The following ARID2 variants were observed in gnomAD, a reference collection of about 807,000 sequenced individuals.
ARID2 encodes the protein AT-rich interaction domain 2.
Under a neutral mutation model 184.6 loss-of-function variants are expected in ARID2, and 32 were observed. The ratio of observed to expected loss-of-function variants is 0.17; its 90% confidence interval spans 0.13 to 0.23. The LOEUF is 0.23. Ranked by LOEUF, ARID2 falls within the 10% of genes least tolerant of loss-of-function variation. ARID2 has a pLI of 1.00. For synonymous variants in ARID2, 836 were observed against 772.6 expected (o/e 1.08, Z -1.36); for missense variants, 1,696 against 2,197.6 (o/e 0.77, Z 4.56).
Position 45,850,163 on chromosome 12 carries a change from T to G in ARID2, c.2040T>G (p.Thr680=). The G allele has an allele frequency of 6.2e-7, 1 of 1,614,116 alleles. No homozygotes were observed. Residue 680 remains threonine (T), a synonymous_variant, in exon 15 of 21, where the codon ACT becomes ACG. Transcript: ENST00000334344. ...AAGGTGTTCATACTGTGGCACAAACTGTTTCAAGAATTCCACAAAATCCTT... is the reference window on the plus strand; with the variant it reads ...AAGGTGTTCATACTGTGGCACAAACGGTTTCAAGAATTCCACAAAATCCTT... ...PVQGVHTVAQ[T]VSRIPQNPSP...
At chr12:45,786,845 A>T (rs1217693709) in intron 3 of ARID2, among the ~76,000 whole-genome samples, 1 of 152,178 alleles carries the variant, frequency 6.6e-6, no homozygotes, top group Non-Finnish European at 1.5e-5. Context: ...TTGCAACAGC[A>T]TGGGTGATCC....
At position 45,738,779 on chromosome 12, in the gene ARID2, CTTTTTTTTTTTT is replaced by C. The variant is rs11333868; in HGVS notation, c.284+7488_284+7499del. On this transcript the variant is annotated intron_variant, in intron 3 of 20. Coordinates refer to ENST00000334344, the MANE Select transcript of ARID2 (RefSeq NM_152641.4). ...TTTTCTTCCTGGGGCATATGGGCTACTTTTTTTTTTTTTTTTTTTTTTTTTTTTTTTTTTAAG... is the reference window on the plus strand; with the variant it reads ...TTTTCTTCCTGGGGCATATGGGCTACTTTTTTTTTTTTTTTTTTTTTTAAG... 3.8e-3 allele frequency among the ~76,000 whole-genome samples: 236 copies of C among 62,314 alleles called. 3 individuals carry two copies. The highest frequency in any genetic ancestry group is 0.018 in the African/African-American group (206 of 11,724). 40.9% of individuals were successfully genotyped at this position (62,314 alleles called of 152,430 possible). A position where few individuals can be genotyped will look rare whatever the true frequency, so the allele number is the denominator to read the frequency against.
At chr12:45,871,857 G>T (rs901367692) in intron 16 of ARID2, among the ~76,000 whole-genome samples, 2 of 152,162 alleles carry the variant, frequency 1.3e-5, no homozygotes, top group African/African-American at 4.8e-5. Context: ...GTCTTTCAGG[G>T]AATTGGCCGA....
intron 3 of ARID2, among the ~76,000 whole-genome samples, chr12:45,800,401 C>G (rs748876128): frequency 6.6e-6 from 1 of 151,768 alleles, no homozygotes; most frequent in Non-Finnish European, 1.5e-5. Flanking sequence ...ATAACATGAG[C>G]CAGATTTCTC....
intron 3 of ARID2, among the ~76,000 whole-genome samples, chr12:45,788,724 T>G (rs1337766097): frequency 1.3e-5 from 2 of 152,140 alleles, no homozygotes; most frequent in Non-Finnish European, 2.9e-5. Flanking sequence ...GAGATGGAAT[T>G]CTGAATTCTG....
At chr12:45,762,067 C>A (rs1941693422) in intron 3 of ARID2, among the ~76,000 whole-genome samples, 1 of 152,038 alleles carries the variant, frequency 6.6e-6, no homozygotes, top group Non-Finnish European at 1.5e-5. Flanking sequence ...CTTTGTATTT[C>A]TGATATTTTT....
At chr12:45,776,508 A>G (rs1941982612) in intron 3 of ARID2, among the ~76,000 whole-genome samples, 1 of 152,196 alleles carries the variant, frequency 6.6e-6, no homozygotes, top group African/African-American at 2.4e-5. Flanking sequence ...ATAAATCACT[A>G]TTTTAAAAAA....
intron 3 of ARID2, among the ~76,000 whole-genome samples, chr12:45,741,651 T>C (rs780394727): frequency 3.9e-5 from 6 of 152,220 alleles, no homozygotes; most frequent in Non-Finnish European, 8.8e-5. Context: ...CTGGCTCCTT[T>C]ATCTTTTTAA....
At chr12:45,731,118 G>T (rs575303756) in intron 2 of ARID2, 99 bp from the exon 3 acceptor site, 2 of 843,368 alleles carry the variant, frequency 2.4e-6, no homozygotes, top group Non-Finnish European at 4.0e-6. Context: ...GATGCCTTAG[G>T]TATCTACAGA....
chr12:45,733,274 T>G (rs1480056225), intron 3 of ARID2, among the ~76,000 whole-genome samples: 1 of 152,152 alleles, frequency 6.6e-6, no homozygotes, highest in Non-Finnish European at 1.5e-5. Flanking sequence ...TTGAAAGAAT[T>G]TTTTCCTGGT....
intron 16 of ARID2, among the ~76,000 whole-genome samples, chr12:45,880,464 C>T (rs1209165320): frequency 6.6e-6 from 1 of 152,116 alleles, no homozygotes; most frequent in Non-Finnish European, 1.5e-5. Context: ...ACAATTCCTC[C>T]TAAAGTTCCT....
At chr12:45,782,138 A>G (rs1942103883) in intron 3 of ARID2, among the ~76,000 whole-genome samples, 1 of 151,080 alleles carries the variant, frequency 6.6e-6, no homozygotes, top group Non-Finnish European at 1.5e-5. Context: ...GAAGGGCTAT[A>G]AATTGAAATT....
chr12:45,857,656 C>T (rs138735522), intron 15 of ARID2, among the ~76,000 whole-genome samples: 23 of 152,248 alleles, frequency 1.5e-4, no homozygotes, highest in Admixed American at 5.2e-4. Context: ...AGTGAATTGT[C>T]CACATTCACA....
chr12:45,853,567 A>G (rs907264641), intron 15 of ARID2, among the ~76,000 whole-genome samples: 1 of 152,228 alleles, frequency 6.6e-6, no homozygotes, highest in African/African-American at 2.4e-5. Context: ...AATCAGCACT[A>G]CCAAGTTGAG....
intron 11 of ARID2, among the ~76,000 whole-genome samples, chr12:45,844,386 G>A (rs1439289670): frequency 6.6e-6 from 1 of 152,122 alleles, no homozygotes; most frequent in Non-Finnish European, 1.5e-5. Context: ...AAGAAGTAAT[G>A]CATTCTTTGA....
chr12:45,907,490 A>C lies in ARID2; in HGVS notation c.*2412A>C. The C allele has an allele frequency of 4.3e-6, 1 of 233,310 alleles. No homozygotes were observed. The highest frequency in any genetic ancestry group is 6.1e-5 in the East Asian group (1 of 16,470). 14.5% of individuals were successfully genotyped at this position (233,310 alleles called of 1,614,324 possible). A position where few individuals can be genotyped will look rare whatever the true frequency, so the allele number is the denominator to read the frequency against. On this transcript the variant is annotated 3_prime_UTR_variant, in exon 21 of 21. Coordinates refer to ENST00000334344, the MANE Select transcript of ARID2 (RefSeq NM_152641.4). ...ATATGACTGTAGCCTTTTAAGCTTC[A>C]GTCTCAGCAGAGAATTTCCTAAATG...
At chr12:45,818,733 GT>G (rs1321016046) in intron 5 of ARID2, among the ~76,000 whole-genome samples, 8 of 152,058 alleles carry the variant, frequency 5.3e-5, no homozygotes, top group Admixed American at 3.3e-4. Context: ...TTAGTGAGAT[GT>G]TTGCAAAAGA....
chr12:45,743,189 T>TA (rs1413645534), intron 3 of ARID2, among the ~76,000 whole-genome samples: 9 of 150,118 alleles, frequency 6.0e-5, no homozygotes, highest in Non-Finnish European at 1.2e-4. Context: ...CCATCTCTAC[T>TA]AAAAAAATAA....
chr12:45,786,941 C>G (rs908525164), intron 3 of ARID2, among the ~76,000 whole-genome samples: 2 of 152,138 alleles, frequency 1.3e-5, no homozygotes, highest in Non-Finnish European at 2.9e-5. Context: ...AAAGGTCACA[C>G]TCATAAAACA....
Sources: allele counts gnomAD v4.1 joint callset (sites outside exome capture counted in the v4.1 genomes callset), GRCh38; gene constraint gnomAD v4.1.1; transcripts MANE v1.5; gene names NCBI Gene and HGNC (gene_info 2026-07-23, HGNC 2026-07-21).